Variants in NECAB2 observed in about 807,000 individuals in gnomAD.
NECAB2 encodes N-terminal EF-hand calcium-binding protein 2.
A neutral mutation model predicts 51.9 loss-of-function variants in NECAB2; 68 were observed. The ratio of observed to expected loss-of-function variants is 1.31; its 90% CI spans 1.08 to 1.60. NECAB2 has a LOEUF of 1.60. Ranked by LOEUF, NECAB2 falls within the 40% of genes most tolerant of loss-of-function variation. The pLI is 0.00. For missense variants in NECAB2, 854 were observed against 490.3 expected (o/e 1.74, Z -7.00); for synonymous variants, 329 against 203.5 (o/e 1.62, Z -5.25).
chr16:83,986,523 A>G (rs1371284272), intron 5 of NECAB2, among the ~76,000 whole-genome samples: 1 of 151,950 alleles, frequency 6.6e-6, no homozygotes, highest in Non-Finnish European at 1.5e-5. Flanking sequence ...ATTTCTGTAT[A>G]AGAGATAAAG....
chr16:83,989,767 G>C (rs762943536), intron 5 of NECAB2, among the ~76,000 whole-genome samples: 1 of 152,198 alleles, frequency 6.6e-6, no homozygotes, highest in Non-Finnish European at 1.5e-5. Flanking sequence ...CAGAATCTCA[G>C]GACAGAGGTG....
At chr16:83,982,319 A>G (rs1455548273) in intron 5 of NECAB2, among the ~76,000 whole-genome samples, 4 of 152,214 alleles carry the variant, frequency 2.6e-5, no homozygotes, top group Non-Finnish European at 5.9e-5. Context: ...TCCCAGTATC[A>G]TGCTGTTTTG....
rs60014664 is a variant in NECAB2, at chr16:83,992,377, T to TCCCCC, written c.596+1749_596+1753dup. The stretch of plus-strand genomic sequence containing the variant: ...ATCTCCCGGGGAACACGAGCACCCG[T>TCCCCC]CCCCCCGCCCACCTCCATTTGCTGT... On this transcript the variant is annotated intron_variant, in intron 6 of 12. Transcript: ENST00000305202. 8.5e-3 allele frequency among the ~76,000 whole-genome samples: 1,121 copies of TCCCCC among 132,464 alleles called. 11 individuals carry two copies. Among genetic ancestry groups the TCCCCC allele is most frequent in the East Asian group, 9.3e-3 (42 of 4,510 alleles). 86.9% of individuals were successfully genotyped at this position (132,464 alleles called of 152,430 possible). A position where few individuals can be genotyped will look rare whatever the true frequency, so the allele number is the denominator to read the frequency against.
At chr16:83,975,502 C>G (rs2084398919) in intron 2 of NECAB2, among the ~76,000 whole-genome samples, 1 of 152,120 alleles carries the variant, frequency 6.6e-6, no homozygotes, top group Non-Finnish European at 1.5e-5. Flanking sequence ...AGATGGGGTG[C>G]AAACTCAAAG....
intron 3 of NECAB2, among the ~76,000 whole-genome samples, chr16:83,979,847 C>T (rs1597203766): frequency 6.6e-6 from 1 of 152,140 alleles, no homozygotes. Context: ...AGGTGTGAGC[C>T]ACGAACATTA....
At chr16:83,974,807 G>A (rs1035683391) in intron 2 of NECAB2, among the ~76,000 whole-genome samples, 1 of 152,148 alleles carries the variant, frequency 6.6e-6, no homozygotes, top group Non-Finnish European at 1.5e-5. Context: ...AAAGAGGAAT[G>A]AGTGTAGGGG....
chr16:83,997,170 G>A (rs200098507), intron 8 of NECAB2, 46 bp from the exon 9 acceptor site: 1 of 1,613,018 alleles, frequency 6.2e-7, no homozygotes, highest in South Asian at 1.1e-5. Context: ...CCCCGGGGCG[G>A]AGTGGGGCTC....
chr16:83,994,465 C>G, intron 7 of NECAB2, 45 bp downstream of exon 7: 2 of 1,605,158 alleles, frequency 1.2e-6, no homozygotes, highest in African/African-American at 2.7e-5. Context: ...GCTGGGGGTC[C>G]CGAGGAGTTC....
intron 5 of NECAB2, among the ~76,000 whole-genome samples, chr16:83,984,493 C>T (rs568940167): frequency 1.1e-3 from 169 of 151,784 alleles, no homozygotes; most frequent in African/African-American, 3.8e-3. Flanking sequence ...GAGGCCGAGG[C>T]GGGAGGATCG....
At chr16:83,999,873 G>A (rs2084787054) in intron 10 of NECAB2, among the ~76,000 whole-genome samples, 1 of 144,094 alleles carries the variant, frequency 6.9e-6, no homozygotes, top group African/African-American at 2.7e-5. Flanking sequence ...GATTTTTAAA[G>A]GTTTTTTGAT....
chr16:83,980,983 G>A, intron 4 of NECAB2, 47 bp from the exon 5 acceptor site: 1 of 1,605,414 alleles, frequency 6.2e-7, no homozygotes, highest in Non-Finnish European at 8.5e-7. Flanking sequence ...GTGCTGAGTG[G>A]GAGGGGCAGG....
chr16:83,980,168 A>G (rs1441318297), intron 3 of NECAB2, among the ~76,000 whole-genome samples: 1 of 152,240 alleles, frequency 6.6e-6, no homozygotes, highest in Non-Finnish European at 1.5e-5. Flanking sequence ...TTGACTTGGC[A>G]GTAGCTCCTT....
intron 9 of NECAB2, 143 bp from the exon 10 acceptor site, chr16:83,998,062 C>T (rs1462565448): frequency 2.8e-6 from 2 of 721,614 alleles, no homozygotes; most frequent in Admixed American, 5.2e-5. Flanking sequence ...TTAGTCCATT[C>T]TTATCCATTC....
intron 5 of NECAB2, among the ~76,000 whole-genome samples, chr16:83,984,802 C>T (rs371677851): frequency 6.6e-6 from 1 of 152,168 alleles, no homozygotes; most frequent in Admixed American, 6.5e-5. Flanking sequence ...CATTTTAAAA[C>T]CTTGTATTTG....
At chr16:84,001,365 C>T (rs530388056) in intron 11 of NECAB2, among the ~76,000 whole-genome samples, 7 of 152,212 alleles carry the variant, frequency 4.6e-5, no homozygotes, top group African/African-American at 1.7e-4. Flanking sequence ...CCATCTCCTG[C>T]TTCCCTGGTA....
At position 83,997,248 on chromosome 16, in the gene NECAB2, A is replaced by C. The variant is rs2084719218; in HGVS notation, c.828A>C (p.Ser276=). Residue 276 remains serine (S), a synonymous_variant, in exon 9 of 13, where the codon TCA becomes TCC. Transcript: ENST00000305202. The stretch of plus-strand genomic sequence containing the variant: ...GGTTCGACCTGCAGCAGCGCCTGTC[A>C]GATGAAGATGGCACCAACATGGTGA... The part of the protein sequence containing the change: ...ALWFDLQQRL[S]DEDGTNMHLQ... The C allele has an allele frequency of 1.2e-6, 2 of 1,614,158 alleles. No individual in the cohort carries two copies. The highest frequency in any genetic ancestry group is 8.5e-7 in the Non-Finnish European group (1 of 1,180,022).
intron 2 of NECAB2, among the ~76,000 whole-genome samples, chr16:83,972,761 T>C (rs547703260): frequency 6.6e-6 from 1 of 151,918 alleles, no homozygotes; most frequent in African/African-American, 2.4e-5. Flanking sequence ...GAGCAGCGCC[T>C]TGTTGTGGCC....
intron 5 of NECAB2, among the ~76,000 whole-genome samples, chr16:83,987,606 ATTT>A (rs11389855): frequency 1.3e-5 from 2 of 151,884 alleles, no homozygotes; most frequent in Admixed American, 6.6e-5. Context: ...CTTTTACCTA[ATTT>A]TTTAACATTT....
rs2084312403 is a variant in NECAB2, at chr16:83,968,483, G to A, written c.-166G>A. On this transcript the variant is annotated 5_prime_UTR_variant, in exon 1 of 13. Transcript: ENST00000305202. ...CGGGCACGTGGCTCGGGGTCCGGCC[G>A]GCCCGCCCCCCGGCGCCGGCCAGTC... 4 of 394,164 alleles carry A rather than the reference G, an allele frequency of 1.0e-5. No homozygotes were observed. The highest frequency in any genetic ancestry group is 1.4e-5 in the Non-Finnish European group (4 of 293,138). The allele number at this position is 394,164 out of a possible 1,614,324, so 24.4% of individuals were successfully genotyped here. A position where few individuals can be genotyped will look rare whatever the true frequency, so the allele number is the denominator to read the frequency against.
Sources: allele counts gnomAD v4.1 joint callset (sites outside exome capture counted in the v4.1 genomes callset), GRCh38; gene constraint gnomAD v4.1.1; transcripts MANE v1.5; gene names NCBI Gene and HGNC (gene_info 2026-07-23, HGNC 2026-07-21).